TRPV1: variants seen among roughly 807,000 people sequenced by gnomAD.
TRPV1 encodes transient receptor potential cation channel subfamily V member 1.
Under a neutral mutation model 82.3 loss-of-function variants are expected in TRPV1, and 82 were observed. The ratio of observed to expected loss-of-function variants is 1.00; its 90% CI spans 0.83 to 1.20. The LOEUF (loss-of-function observed/expected upper bound fraction) is 1.20, where lower values mean the gene tolerates loss of function less well. TRPV1 is among the 50% of genes most tolerant of loss of function. TRPV1 has a pLI of 0.00. For synonymous variants in TRPV1, 515 were observed against 467.7 expected (o/e 1.10, Z -1.30); for missense variants, 1,067 against 1,096.8 (o/e 0.97, Z 0.38).
Position 3,590,095 on chromosome 17 carries a change from G to T in TRPV1, c.756C>A (p.Pro252=). The T allele has an allele frequency of 6.2e-7, 1 of 1,606,182 alleles. No homozygotes were observed. Residue 252 remains proline, a synonymous_variant, in exon 7 of 17, where the codon CCC becomes CCA. Transcript: ENST00000572705. ...GRPGFYFGEL[P]LSLAACTNQL... is the part of the protein sequence containing the mutation. ...GGTTGGTGCACGCGGCCAGGGACAGGGGCAGTTCACCTGCATGAACACAGG... is the reference window on the plus strand; with the variant it reads ...GGTTGGTGCACGCGGCCAGGGACAGTGGCAGTTCACCTGCATGAACACAGG...
intron 2 of TRPV1, among the ~76,000 whole-genome samples, chr17:3,598,923 T>C (rs72822100): frequency 6.6e-6 from 1 of 151,576 alleles, no homozygotes; most frequent in Non-Finnish European, 1.5e-5. Flanking sequence ...ATATGAACGT[T>C]AGAATTCATT....
rs577226087 is a variant in TRPV1 at position 3,604,141 on chromosome 17, G to A, written c.-34+4286C>T. ...TGTGTCACCAGGGAGGCCCTTTGCA[G>A]AGGGCAGATGCCATTTGGGCTGGGC... On this transcript the variant is annotated intron_variant, in intron 2 of 16. Coordinates refer to ENST00000572705, the MANE Select transcript of TRPV1 (RefSeq NM_080704.4). Among the ~76,000 whole-genome samples, 5 of 152,358 alleles carry A rather than the reference G, an allele frequency of 3.3e-5. No homozygotes were observed. The South Asian group carries it at 8.3e-4, about 25-fold the overall frequency.
rs200783637 is a variant in TRPV1 at position 3,588,173 on chromosome 17, G to A, written c.1224+15C>T. ...AGGCCCTGAGGCCCTCCCTGGCTGT[G>A]CCCCAGCCACTCACAGGGGTCTCGC... On this transcript the variant is annotated intron_variant, in intron 8 of 16. Coordinates refer to ENST00000572705, the MANE Select transcript of TRPV1 (RefSeq NM_080704.4). 24 of 1,549,386 alleles carry A rather than the reference G, an allele frequency of 1.5e-5. No homozygotes were observed. The highest frequency in any genetic ancestry group is 2.0e-5 in the Non-Finnish European group (23 of 1,145,078).
In TRPV1 at chr17:3,585,903, C is replaced by T. The variant is rs2075079281; in HGVS notation, c.1248G>A (p.Val416=). 6.2e-7 allele frequency: 1 copy of T among 1,613,886 alleles called. No individual in the cohort carries two copies. Among genetic ancestry groups the T allele is most frequent in the South Asian group, 1.1e-5 (1 of 91,086 alleles). The change falls in exon 9 of 17, where the codon GTG becomes GTA. Residue 416 remains valine, a synonymous_variant. Coordinates refer to ENST00000572705, the MANE Select transcript of TRPV1 (RefSeq NM_080704.4). ...CCTGCAGGAGTCGGTTCAGCGGCTC[C>T]ACCAAGAGCATGTCGTGGCGATTCT... is the stretch of plus-strand genomic sequence containing the variant. ...ETPNRHDMLL[V]EPLNRLLQDK...
In TRPV1 at chr17:3,592,141, C is replaced by T. The variant is rs1356712825; in HGVS notation, c.210G>A (p.Leu70=). ...PVDCPHEEGE[L]DSCPTITVSP... is the part of the protein sequence containing the mutation. Reference sequence around the variant, plus strand: ...TGACTGTGATGGTCGGGCAGGAGTCCAGCTCACCTTCCTCGTGAGGGCAAT... The same window carrying T: ...TGACTGTGATGGTCGGGCAGGAGTCTAGCTCACCTTCCTCGTGAGGGCAAT... Residue 70 remains leucine (L), a synonymous_variant, in exon 3 of 17, where the codon CTG becomes CTA. Coordinates refer to ENST00000572705, the MANE Select transcript of TRPV1 (RefSeq NM_080704.4). 3 of 1,613,922 alleles carry T rather than the reference C, an allele frequency of 1.9e-6. No homozygotes were observed. The South Asian group carries it at 3.3e-5, about 18-fold the overall frequency.
intron 15 of TRPV1, 145 bp downstream of exon 15, chr17:3,571,977 G>T: frequency 9.2e-7 from 1 of 1,086,532 alleles, no homozygotes; most frequent in Non-Finnish European, 1.3e-6. Context: ...GCTGAGCTCA[G>T]GACGGCCCCA....
chr17:3,583,472 G>T, intron 9 of TRPV1, 42 bp from the exon 10 acceptor site: 1 of 1,473,108 alleles, frequency 6.8e-7, no homozygotes, highest in East Asian at 2.4e-5. Flanking sequence ...TTACTCATTC[G>T]TTCATTCAAC....
chr17:3,607,139 G>C lies in TRPV1; in HGVS notation c.-34+1288C>G, dbSNP rs893739816. Among the ~76,000 whole-genome samples the C allele has an allele frequency of 9.7e-4, 147 of 152,132 alleles. 1 individual carries two copies. Among genetic ancestry groups the C allele is most frequent in the Non-Finnish European group, 7.4e-5 (5 of 68,018 alleles). Reference sequence around the variant, plus strand: ...GAGGCAGGTGGATCACCTGAGGTCAGGAGTTCAAGACCAGGCCAACATGGT... The same window carrying C: ...GAGGCAGGTGGATCACCTGAGGTCACGAGTTCAAGACCAGGCCAACATGGT... On this transcript the variant is annotated intron_variant, in intron 2 of 16. Transcript: ENST00000572705.
At chr17:3,595,763 A>G (rs1259081629) in intron 2 of TRPV1, 3 of 152,278 alleles carry the variant, frequency 2.0e-5, no homozygotes, top group African/African-American at 7.2e-5. Context: ...CCCAGCCAAC[A>G]GGAAGCAGCC....
intron 2 of TRPV1, among the ~76,000 whole-genome samples, chr17:3,607,822 C>T (rs1025388802): frequency 6.6e-6 from 1 of 152,088 alleles, no homozygotes; most frequent in Non-Finnish European, 1.5e-5. Context: ...CAGGTGTGAG[C>T]CCCCACACCC....
rs1391097311 is a variant in TRPV1, at chr17:3,588,433, C to T, written c.1045-66G>A. Reference sequence around the variant, plus strand: ...GGCTCAGCCTCAGACAGTACCTCAACAACCAGCTCTGCTTCCCAGCCCAGC... The same window carrying T: ...GGCTCAGCCTCAGACAGTACCTCAATAACCAGCTCTGCTTCCCAGCCCAGC... On this transcript the variant is annotated intron_variant, in intron 7 of 16. Coordinates refer to ENST00000572705, the MANE Select transcript of TRPV1 (RefSeq NM_080704.4). The T allele has an allele frequency of 2.7e-6, 4 of 1,506,762 alleles. No homozygotes were observed. In the South Asian group the frequency reaches 3.7e-5, roughly 14 times the overall value. The allele number at this position is 1,506,762 out of a possible 1,614,324, so 93.3% of individuals were successfully genotyped here.
intron 16 of TRPV1, among the ~76,000 whole-genome samples, chr17:3,570,009 G>GTCAGGGAGGAGGGGCCAAGCGA (rs2074830658): frequency 6.7e-6 from 1 of 149,840 alleles, no homozygotes; most frequent in Non-Finnish European, 1.5e-5. Context: ...GGGCCAAGCG[G>GTCAGGGAGGAGGGGCCAAGCGA]TCAGGGAGGA....
intron 6 of TRPV1, 45 bp from the exon 7 acceptor site, chr17:3,590,150 G>C (rs1380340064): frequency 6.3e-7 from 1 of 1,585,686 alleles, no homozygotes; most frequent in East Asian, 2.2e-5. Context: ...GTGAGATCCA[G>C]CTGGCCCCTG....
intron 10 of TRPV1, 93 bp from the exon 11 acceptor site, chr17:3,580,620 G>C: frequency 7.5e-7 from 1 of 1,341,956 alleles, no homozygotes; most frequent in South Asian, 1.2e-5. Context: ...ACCATGATGG[G>C]GTGGTCGAAT....
chr17:3,602,601 G>A (rs1451506493), intron 2 of TRPV1, among the ~76,000 whole-genome samples: 2 of 152,202 alleles, frequency 1.3e-5, no homozygotes, highest in South Asian at 2.1e-4. Flanking sequence ...TGATGGGAGC[G>A]AGAGGCAGCT....
intron 11 of TRPV1, chr17:3,578,216 G>T (rs1326147375): frequency 6.4e-6 from 1 of 155,674 alleles, no homozygotes; most frequent in Admixed American, 6.2e-5. Flanking sequence ...GCTGAGGCAG[G>T]AGAATCACCT....
chr17:3,608,384 A>T (rs557802926), intron 2 of TRPV1, 43 bp downstream of exon 2: 2 of 151,936 alleles, frequency 1.3e-5, no homozygotes, highest in African/African-American at 4.8e-5. Flanking sequence ...CAGCATCACT[A>T]CTCTGGTGCT....
chr17:3,568,293 G>A (rs1262527464), intron 16 of TRPV1, among the ~76,000 whole-genome samples: 1 of 149,248 alleles, frequency 6.7e-6, no homozygotes, highest in East Asian at 1.9e-4. Context: ...CTGCACTCCA[G>A]CCTGGGTGAC....
At chr17:3,592,716 G>A (rs2075175478) in intron 2 of TRPV1, 1 of 249,284 alleles carries the variant, frequency 4.0e-6, no homozygotes, top group Non-Finnish European at 7.7e-6. Flanking sequence ...TCCTCTGCAG[G>A]GTGAGGTTGA....
Sources: gnomAD v4.1 joint callset for allele counts (sites outside exome capture counted in the v4.1 genomes callset) on GRCh38, gnomAD v4.1.1 for gene constraint, MANE v1.5 for transcripts, NCBI Gene and HGNC (gene_info 2026-07-23, HGNC 2026-07-21) for gene names.